Variants in CCDC138 observed in about 807,000 individuals in gnomAD.
CCDC138 encodes the protein coiled-coil domain-containing protein 138.
Under a neutral mutation model 82.3 loss-of-function variants are expected in CCDC138, and 66 were observed. The ratio of observed to expected loss-of-function variants is 0.80; its 90% CI spans 0.66 to 0.98. CCDC138 has a LOEUF of 0.98. Ranked by LOEUF, CCDC138 falls within the 50% of genes least tolerant of loss-of-function variation. The pLI is 0.00. For synonymous variants in CCDC138, 297 were observed against 265.4 expected (o/e 1.12, Z -1.16); for missense variants, 816 against 758.9 (o/e 1.08, Z -0.88).
chr2:108,875,484 T>A (rs1574340429), intron 14 of CCDC138, among the ~76,000 whole-genome samples: 1 of 152,052 alleles, frequency 6.6e-6, no homozygotes, highest in African/African-American at 2.4e-5. Context: ...GATGATCAAA[T>A]GTTTGTCTGT....
At chr2:108,794,781 T>A (rs1253734593) in intron 5 of CCDC138, 60 bp downstream of exon 5, 2 of 1,282,462 alleles carry the variant, frequency 1.6e-6, no homozygotes, top group Non-Finnish European at 2.1e-6. Flanking sequence ...AACCAAGCAT[T>A]TACGAAATTT....
At chr2:108,831,317 C>T (rs1309901171) in intron 10 of CCDC138, among the ~76,000 whole-genome samples, 1 of 152,208 alleles carries the variant, frequency 6.6e-6, no homozygotes, top group East Asian at 1.9e-4. Flanking sequence ...AAAGAGTTCA[C>T]AGTTCCCTAC....
chr2:108,874,922 ATT>A (rs11452939), intron 14 of CCDC138, among the ~76,000 whole-genome samples: 1 of 147,246 alleles, frequency 6.8e-6, no homozygotes, highest in Non-Finnish European at 1.5e-5. Flanking sequence ...AATTCATGGG[ATT>A]TTTTTTTTTT....
At chr2:108,792,320 T>G (rs1724184) in intron 4 of CCDC138, among the ~76,000 whole-genome samples, 3 of 152,048 alleles carry the variant, frequency 2.0e-5, no homozygotes, top group Admixed American at 6.5e-5. Context: ...CCCTCTCCTT[T>G]GTTTTCCTTT....
At chr2:108,874,409 G>A (rs1276252023) in intron 14 of CCDC138, among the ~76,000 whole-genome samples, 2 of 152,044 alleles carry the variant, frequency 1.3e-5, no homozygotes, top group East Asian at 1.9e-4. Context: ...TAAGGACATC[G>A]ATTTTAAGTT....
chr2:108,855,686 G>C (rs549068531), intron 12 of CCDC138, among the ~76,000 whole-genome samples: 1 of 152,276 alleles, frequency 6.6e-6, no homozygotes, highest in East Asian at 1.9e-4. Context: ...CAGAGGCACA[G>C]ATCTTACTTT....
intron 4 of CCDC138, among the ~76,000 whole-genome samples, chr2:108,792,712 AG>A (rs1680099691): frequency 6.6e-6 from 1 of 152,222 alleles, no homozygotes; most frequent in Non-Finnish European, 1.5e-5. Flanking sequence ...GTATAATGGA[AG>A]ACACACCCCC....
chr2:108,863,286 A>G (rs545695124), intron 13 of CCDC138, among the ~76,000 whole-genome samples: 7 of 152,366 alleles, frequency 4.6e-5, no homozygotes, highest in Middle Eastern at 3.4e-3. Context: ...CTAATCCTAC[A>G]TACATATCAT....
At chr2:108,850,642 G>A (rs868108588) in intron 12 of CCDC138, among the ~76,000 whole-genome samples, 3 of 151,912 alleles carry the variant, frequency 2.0e-5, no homozygotes, top group East Asian at 1.9e-4. Context: ...TAGTAGACAC[G>A]GGGTTTCACC....
chr2:108,826,477 C>T (rs956064029), intron 10 of CCDC138, among the ~76,000 whole-genome samples: 1 of 152,002 alleles, frequency 6.6e-6, no homozygotes, highest in Non-Finnish European at 1.5e-5. Context: ...CCTGTAGATA[C>T]CCATTTGTTT....
chr2:108,881,658 G>T (rs1421091468), intron 1 of CCDC138, among the ~76,000 whole-genome samples: 2 of 152,180 alleles, frequency 1.3e-5, no homozygotes, highest in Non-Finnish European at 2.9e-5. Context: ...CACTTAGAGG[G>T]CATTTTAAGG....
At chr2:108,855,524 C>A (rs1351836890) in intron 12 of CCDC138, among the ~76,000 whole-genome samples, 1 of 151,338 alleles carries the variant, frequency 6.6e-6, no homozygotes, top group Non-Finnish European at 1.5e-5. Context: ...TAAGGCAAGT[C>A]TGAACAGAAT....
At chr2:108,846,951 A>G in intron 12 of CCDC138, 21 bp downstream of exon 12, 1 of 1,341,918 alleles carries the variant, frequency 7.5e-7, no homozygotes. Flanking sequence ...AATTGTACTT[A>G]TGGTTAATTT....
In CCDC138 at chr2:108,843,889, T is replaced by TC. The variant is rs1266876706; in HGVS notation, c.1324-2849_1324-2848insC. ...GTGTGTGTGTGTGTGTTTCTTTCTT[T>TC]TTTTTTTTTTTTTTTTTTTGAGACA... is the stretch of plus-strand genomic sequence containing the variant. On this transcript the variant is annotated intron_variant, in intron 11 of 14. Coordinates refer to ENST00000295124, the MANE Select transcript of CCDC138 (RefSeq NM_144978.3). Among the ~76,000 whole-genome samples the TC allele has an allele frequency of 7.0e-3, 860 of 122,090 alleles. 27 individuals carry two copies. Among genetic ancestry groups the TC allele is most frequent in the Admixed American group, 0.019 (237 of 12,408 alleles). The allele number at this position is 122,090 out of a possible 152,430, so 80.1% of individuals were successfully genotyped here.
chr2:108,794,823 G>A, intron 5 of CCDC138, 102 bp downstream of exon 5: 1 of 944,534 alleles, frequency 1.1e-6, no homozygotes, highest in Non-Finnish European at 1.6e-6. Context: ...AATTACTTTA[G>A]ATAAGTTTGT....
intron 5 of CCDC138, among the ~76,000 whole-genome samples, chr2:108,798,218 T>C (rs1681230441): frequency 6.6e-6 from 1 of 152,192 alleles, no homozygotes; most frequent in Non-Finnish European, 1.5e-5. Context: ...CAGTGGACTC[T>C]TACTATAGTG....
In CCDC138 at chr2:108,830,831, C is replaced by A. The variant is rs550746670; in HGVS notation, c.1207-8354C>A. Reference sequence around the variant, plus strand: ...CTCAAATAAAAAACAAAAAAAAAAACCAAAGCTTGGGAAGGAAGCCAGAAA... The same window carrying A: ...CTCAAATAAAAAACAAAAAAAAAAAACAAAGCTTGGGAAGGAAGCCAGAAA... On this transcript the variant is annotated intron_variant, in intron 10 of 14. Coordinates refer to ENST00000295124, the MANE Select transcript of CCDC138 (RefSeq NM_144978.3). 4.4e-4 allele frequency among the ~76,000 whole-genome samples: 67 copies of A among 150,654 alleles called. No homozygotes were observed. The South Asian group carries it at 7.0e-3, about 16-fold the overall frequency.
intron 2 of CCDC138, 56 bp downstream of exon 2, chr2:108,788,145 G>A (rs1573887087): frequency 1.3e-6 from 2 of 1,564,790 alleles, no homozygotes; most frequent in Admixed American, 2.0e-5. Flanking sequence ...GAGGCTGGGC[G>A]CGGTGGCTCA....
intron 10 of CCDC138, among the ~76,000 whole-genome samples, chr2:108,833,489 CAAAG>C (rs1449738424): frequency 3.3e-5 from 5 of 152,130 alleles, no homozygotes; most frequent in Non-Finnish European, 7.3e-5. Flanking sequence ...GCAGGAACCT[CAAAG>C]AAGACAATGC....
Sources: allele counts gnomAD v4.1 joint callset (sites outside exome capture counted in the v4.1 genomes callset), GRCh38; gene constraint gnomAD v4.1.1; transcripts MANE v1.5; gene names NCBI Gene and HGNC (gene_info 2026-07-23, HGNC 2026-07-21).